DIP2C: variants seen among roughly 807,000 people sequenced by gnomAD.
DIP2C encodes the protein disco-interacting protein 2 homolog C.
DIP2C carries 33 observed loss-of-function variants against 192.4 expected under a neutral mutation model. The ratio of observed to expected loss-of-function variants is 0.17; its 90% CI spans 0.13 to 0.23. DIP2C has a LOEUF of 0.23. Ranked by LOEUF, DIP2C falls within the 10% of genes least tolerant of loss-of-function variation. The pLI is 1.00. For missense variants in DIP2C, 1,537 were observed against 2,110.1 expected (o/e 0.73, Z 5.32); for synonymous variants, 979 against 864.1 (o/e 1.13, Z -2.33).
intron 1 of DIP2C, among the ~76,000 whole-genome samples, chr10:639,513 C>T (rs2131930054): frequency 6.6e-6 from 1 of 152,372 alleles, no homozygotes; most frequent in Admixed American, 6.5e-5. Context: ...CTGCCCGGCT[C>T]TCAGTATCAG....
chr10:447,590 C>A (rs572330818), intron 3 of DIP2C, among the ~76,000 whole-genome samples: 3 of 148,780 alleles, frequency 2.0e-5, no homozygotes, highest in Admixed American at 6.6e-5. Flanking sequence ...CAGGATCACA[C>A]ACAGTGGGGC....
chr10:427,187 T>G (rs1199170861), intron 4 of DIP2C, among the ~76,000 whole-genome samples: 1 of 152,180 alleles, frequency 6.6e-6, no homozygotes, highest in Admixed American at 6.5e-5. Context: ...AGAATCCATT[T>G]CTTGGTCTTT....
At chr10:459,579 C>CAT (rs141868006) in intron 3 of DIP2C, among the ~76,000 whole-genome samples, 2,360 of 152,310 alleles carry the variant, frequency 0.015, 66 homozygotes, top group African/African-American at 0.054. Flanking sequence ...CAGGGAACCA[C>CAT]ATGCTGCACG....
intron 1 of DIP2C, among the ~76,000 whole-genome samples, chr10:607,720 T>C (rs909528216): frequency 5.3e-5 from 8 of 152,146 alleles, no homozygotes; most frequent in Admixed American, 6.5e-5. Flanking sequence ...AGTGTAAACA[T>C]TGTGAGCCAG....
intron 1 of DIP2C, among the ~76,000 whole-genome samples, chr10:560,901 C>G (rs973594552): frequency 4.3e-4 from 65 of 152,136 alleles, no homozygotes; most frequent in Admixed American, 2.8e-3. Context: ...ACAATCTATT[C>G]TCTTCAAAGC....
intron 1 of DIP2C, among the ~76,000 whole-genome samples, chr10:493,376 C>T (rs72774526): frequency 0.034 from 5,245 of 152,274 alleles, 127 homozygotes; most frequent in Middle Eastern, 0.1. Context: ...GACATTGATT[C>T]TCAATTTTGC....
In DIP2C at chr10:571,877, G is replaced by A. The variant is rs144840079; in HGVS notation, c.86-85347C>T. Among the ~76,000 whole-genome samples, 284 of 152,278 alleles carry A rather than the reference G, an allele frequency of 1.9e-3. 5 individuals carry two copies. In the East Asian group the frequency reaches 0.045, roughly 24 times the overall value. ...GGCCCAGGGCAGTAGGGAGAGCACC[G>A]TGCTCATAATGTAAGCAGTTCAGCT... On this transcript the variant is annotated intron_variant, in intron 1 of 36. Coordinates refer to ENST00000280886, the MANE Select transcript of DIP2C (RefSeq NM_014974.3).
intron 1 of DIP2C, among the ~76,000 whole-genome samples, chr10:571,323 C>T (rs1378294537): frequency 6.6e-6 from 1 of 152,146 alleles, no homozygotes; most frequent in Non-Finnish European, 1.5e-5. Flanking sequence ...CTCCCCCCGG[C>T]CATCACACTT....
intron 3 of DIP2C, among the ~76,000 whole-genome samples, chr10:465,506 C>T (rs2133400893): frequency 6.6e-6 from 1 of 152,162 alleles, no homozygotes; most frequent in Admixed American, 6.5e-5. Flanking sequence ...CTCACCACTC[C>T]TATTCAACAT....
chr10:543,150 A>G (rs1485318751), intron 1 of DIP2C, among the ~76,000 whole-genome samples: 3 of 152,352 alleles, frequency 2.0e-5, no homozygotes, highest in East Asian at 1.9e-4. Flanking sequence ...ATCCATGGAC[A>G]TCACCAGTCT....
At chr10:557,593 C>T (rs1351715401) in intron 1 of DIP2C, among the ~76,000 whole-genome samples, 1 of 141,502 alleles carries the variant, frequency 7.1e-6, no homozygotes, top group African/African-American at 2.7e-5. Context: ...GCTCACAATA[C>T]CAAGTGAAAA....
At chr10:298,626 A>C (rs2132250681) in intron 32 of DIP2C, among the ~76,000 whole-genome samples, 1 of 152,332 alleles carries the variant, frequency 6.6e-6, no homozygotes, top group Non-Finnish European at 1.5e-5. Flanking sequence ...TGTGATGGGC[A>C]GCCGTCTGAC....
chr10:419,157 T>C lies in DIP2C; in HGVS notation c.647A>G (p.Glu216Gly). The C allele has an allele frequency of 1.2e-6, 2 of 1,614,258 alleles. No homozygotes were observed. Among genetic ancestry groups the C allele is most frequent in the Non-Finnish European group, 1.7e-6 (2 of 1,180,048 alleles). ...APPDVTTYTS[E>G]HSIQVERPQG... ...CGGTCTCTCCACCTGTATCGAGTGC[T>C]CTGAGGTGTACGTGGTTACGTCAGG... Residue 216 changes from glutamate to glycine, a missense_variant, in exon 6 of 37, where the codon GAG (glutamate) becomes GGG (glycine). Coordinates refer to ENST00000280886, the MANE Select transcript of DIP2C (RefSeq NM_014974.3).
intron 1 of DIP2C, among the ~76,000 whole-genome samples, chr10:579,679 G>A (rs1056265982): frequency 2.8e-4 from 42 of 152,148 alleles, no homozygotes; most frequent in African/African-American, 9.2e-4. Flanking sequence ...ATGTACGTAA[G>A]TGCAGTATAA....
chr10:564,323 C>T (rs1849356160), intron 1 of DIP2C, among the ~76,000 whole-genome samples: 1 of 152,086 alleles, frequency 6.6e-6, no homozygotes, highest in Admixed American at 6.5e-5. Context: ...AGCTCCATCT[C>T]CTCAACCACA....
intron 1 of DIP2C, among the ~76,000 whole-genome samples, chr10:573,896 T>C (rs556824889): frequency 1.8e-4 from 28 of 152,318 alleles, no homozygotes; most frequent in African/African-American, 6.5e-4. Flanking sequence ...TCAAGTTCTA[T>C]AAAGTGGTAC....
Position 376,682 on chromosome 10 carries a change from CACACAGA to C in DIP2C, c.1991+5958_1991+5964del, listed in dbSNP as rs566280328. ...AAGGTGCCGGGGCAGCCACACAACG[CACACAGA>C]ACACAGAACATCTCCTCTGCTTTCT... is the stretch of plus-strand genomic sequence containing the variant. On this transcript the variant is annotated intron_variant, in intron 17 of 36. Transcript: ENST00000280886. 9.3e-3 allele frequency among the ~76,000 whole-genome samples: 1,414 copies of C among 152,116 alleles called. 12 individuals are homozygous for C. The highest frequency in any genetic ancestry group is 0.013 in the Non-Finnish European group (853 of 68,006).
chr10:386,030 C>T (rs4881213), intron 14 of DIP2C, among the ~76,000 whole-genome samples: 62,778 of 152,030 alleles, frequency 0.41, 13,561 homozygotes, highest in African/African-American at 0.53. Context: ...CCCCGGAGCA[C>T]GGAGCAGGCA....
At chr10:625,654 G>A (rs1332293298) in intron 1 of DIP2C, among the ~76,000 whole-genome samples, 8 of 152,158 alleles carry the variant, frequency 5.3e-5, no homozygotes, top group South Asian at 2.1e-4. Flanking sequence ...ACGGCCTCAC[G>A]CACACTGCGC....
Sources: gnomAD v4.1 joint callset for allele counts (sites outside exome capture counted in the v4.1 genomes callset) on GRCh38, gnomAD v4.1.1 for gene constraint, MANE v1.5 for transcripts, NCBI Gene and HGNC (gene_info 2026-07-23, HGNC 2026-07-21) for gene names.